The following CNTNAP2 variants were observed in gnomAD, a reference collection of about 807,000 sequenced individuals.
The protein encoded by CNTNAP2 is contactin associated protein 2, also known as contactin-associated protein-like 2.
CNTNAP2 carries 98 observed loss-of-function variants against 155.2 expected under a neutral mutation model. The observed-to-expected ratio is 0.63, with a 90% confidence interval of 0.54 to 0.75. CNTNAP2 has a LOEUF of 0.75. CNTNAP2 is among the 30% of genes least tolerant of loss of function. The pLI is 0.00. For missense variants in CNTNAP2, 1,727 were observed against 1,688.1 expected (o/e 1.02, Z -0.40); for synonymous variants, 651 against 631.2 (o/e 1.03, Z -0.47).
At chr7:146,679,602 G>A (rs748005836) in intron 1 of CNTNAP2, among the ~76,000 whole-genome samples, 3 of 152,032 alleles carry the variant, frequency 2.0e-5, no homozygotes, top group Non-Finnish European at 2.9e-5. Flanking sequence ...TGATCCGCCT[G>A]CCTTGGCCTC....
At chr7:147,640,787 A>G (rs867977445) in intron 13 of CNTNAP2, among the ~76,000 whole-genome samples, 4 of 152,152 alleles carry the variant, frequency 2.6e-5, no homozygotes, top group African/African-American at 9.7e-5. Context: ...AGAGAGAGGA[A>G]GGGATTCCAA....
chr7:148,030,686 T>G (rs1376464079), intron 15 of CNTNAP2, among the ~76,000 whole-genome samples: 1 of 129,562 alleles, frequency 7.7e-6, no homozygotes, highest in Non-Finnish European at 1.6e-5. Context: ...TTTTTTTTTT[T>G]GGCAGGTGGT....
chr7:146,580,961 A>T (rs963042669), intron 1 of CNTNAP2, among the ~76,000 whole-genome samples: 2 of 152,142 alleles, frequency 1.3e-5, no homozygotes, highest in African/African-American at 4.8e-5. Context: ...AGGCAATTAG[A>T]GACAATTGAA....
At chr7:148,281,697 A>T (rs1585239234) in intron 21 of CNTNAP2, among the ~76,000 whole-genome samples, 1 of 152,126 alleles carries the variant, frequency 6.6e-6, no homozygotes, top group East Asian at 1.9e-4. Context: ...GGGCTTTATT[A>T]TTATTATTGC....
At chr7:148,008,716 C>T (rs1802021302) in intron 15 of CNTNAP2, among the ~76,000 whole-genome samples, 1 of 152,208 alleles carries the variant, frequency 6.6e-6, no homozygotes, top group African/African-American at 2.4e-5. Flanking sequence ...ACCTGAGTTC[C>T]TCTGGCTACA....
intron 9 of CNTNAP2, among the ~76,000 whole-genome samples, chr7:147,317,330 GT>G (rs1795249721): frequency 6.6e-6 from 1 of 152,052 alleles, no homozygotes; most frequent in Non-Finnish European, 1.5e-5. Flanking sequence ...TGTTTCTCTT[GT>G]GATTGCAATA....
At chr7:146,436,471 A>T (rs555224444) in intron 1 of CNTNAP2, among the ~76,000 whole-genome samples, 6 of 152,190 alleles carry the variant, frequency 3.9e-5, no homozygotes, top group Non-Finnish European at 7.4e-5. Context: ...TATAAAACAA[A>T]ACTATTTCAG....
intron 1 of CNTNAP2, among the ~76,000 whole-genome samples, chr7:146,395,623 AT>A (rs1795608828): frequency 1.3e-5 from 2 of 152,146 alleles, no homozygotes; most frequent in Admixed American, 6.6e-5. Flanking sequence ...AATATTCTAA[AT>A]CACCTTAGAT....
At chr7:146,290,092 G>A (rs756723548) in intron 1 of CNTNAP2, among the ~76,000 whole-genome samples, 37 of 152,164 alleles carry the variant, frequency 2.4e-4, no homozygotes, top group Middle Eastern at 3.4e-3. Context: ...ATGTAACCTA[G>A]GTTACATGTA....
chr7:146,339,802 T>C (rs1367946559), intron 1 of CNTNAP2, among the ~76,000 whole-genome samples: 1 of 152,096 alleles, frequency 6.6e-6, no homozygotes, highest in Non-Finnish European at 1.5e-5. Context: ...TTTCGTGCAA[T>C]GGTCCATTTG....
At chr7:146,865,952 G>T (rs7789646) in intron 3 of CNTNAP2, among the ~76,000 whole-genome samples, 5,942 of 152,084 alleles carry the variant, frequency 0.039, 140 homozygotes, top group Non-Finnish European at 0.043. Context: ...TTGTCTTTGC[G>T]TCTGCTTCTC....
chr7:147,275,815 T>C (rs1432762050), intron 8 of CNTNAP2, among the ~76,000 whole-genome samples: 2 of 152,116 alleles, frequency 1.3e-5, no homozygotes, highest in African/African-American at 2.4e-5. Flanking sequence ...CATTTATCAC[T>C]CTTACTATTT....
At chr7:147,708,747 C>T (rs1397654413) in intron 13 of CNTNAP2, among the ~76,000 whole-genome samples, 1 of 152,106 alleles carries the variant, frequency 6.6e-6, no homozygotes, top group African/African-American at 2.4e-5. Flanking sequence ...AGCCTCACTT[C>T]CCCTTCCTTT....
chr7:148,413,517 T>C (rs1336498904), intron 23 of CNTNAP2, among the ~76,000 whole-genome samples: 2 of 147,672 alleles, frequency 1.4e-5, no homozygotes, highest in Non-Finnish European at 3.0e-5. Context: ...ATAAAATGAA[T>C]TGAGTAGTGT....
intron 4 of CNTNAP2, among the ~76,000 whole-genome samples, chr7:147,084,541 T>TATATAATA (rs939719362): frequency 1.4e-5 from 2 of 145,192 alleles, no homozygotes; most frequent in South Asian, 4.3e-4. Flanking sequence ...CTATATATAA[T>TATATAATA]ATATAATAAT....
At chr7:147,213,239 A>T (rs928166703) in intron 8 of CNTNAP2, among the ~76,000 whole-genome samples, 3 of 152,140 alleles carry the variant, frequency 2.0e-5, no homozygotes, top group African/African-American at 7.2e-5. Flanking sequence ...CTCAAACAGA[A>T]GCAAATTCAC....
chr7:147,262,533 G>A (rs1328804591), intron 8 of CNTNAP2, among the ~76,000 whole-genome samples: 2 of 152,150 alleles, frequency 1.3e-5, no homozygotes, highest in African/African-American at 2.4e-5. Context: ...GGCCTGGCGC[G>A]GTGGCTCACG....
chr7:147,613,870 T>C (rs1316746027), intron 12 of CNTNAP2, among the ~76,000 whole-genome samples: 3 of 152,042 alleles, frequency 2.0e-5, no homozygotes, highest in African/African-American at 7.2e-5. Flanking sequence ...ATAGAAATGT[T>C]ATTTTGTGCT....
chr7:147,248,929 G>C (rs1804125173), intron 8 of CNTNAP2, among the ~76,000 whole-genome samples: 1 of 152,132 alleles, frequency 6.6e-6, no homozygotes, highest in African/African-American at 2.4e-5. Context: ...GCACAGGAAT[G>C]TTACTTTGAA....
Sources: gnomAD v4.1 joint callset for allele counts (sites outside exome capture counted in the v4.1 genomes callset) on GRCh38, gnomAD v4.1.1 for gene constraint, MANE v1.5 for transcripts, NCBI Gene and HGNC (gene_info 2026-07-23, HGNC 2026-07-21) for gene names.